PDE10A: variants seen among roughly 807,000 people sequenced by gnomAD.
PDE10A encodes phosphodiesterase 10A.
In PDE10A, 39 loss-of-function variants were observed where a neutral mutation model predicts 97.7. The observed-to-expected ratio is 0.40, with a 90% CI of 0.31 to 0.52. PDE10A has a LOEUF of 0.52. Among genes scored for constraint, PDE10A ranks in the 20% least tolerant of loss-of-function variants. PDE10A has a pLI of 0.56. For missense variants in PDE10A, 731 were observed against 1,047.8 expected (o/e 0.70, Z 4.17); for synonymous variants, 371 against 376.8 (o/e 0.98, Z 0.18).
At chr6:165,765,319 G>A (rs970815714) in intron 1 of PDE10A, among the ~76,000 whole-genome samples, 70 of 152,362 alleles carry the variant, frequency 4.6e-4, no homozygotes, top group African/African-American at 1.6e-3. Flanking sequence ...GATGGGACTG[G>A]GCGCTGTAGA....
At chr6:165,434,400 A>T (rs1000758994) in intron 6 of PDE10A, among the ~76,000 whole-genome samples, 2 of 151,532 alleles carry the variant, frequency 1.3e-5, no homozygotes, top group Non-Finnish European at 2.9e-5. Flanking sequence ...ACTTAGAGCA[A>T]TTTTTTTACA....
At position 165,482,113 on chromosome 6, in the gene PDE10A, G is replaced by T. The variant is rs533592116; in HGVS notation, c.1023+202C>A. 3.9e-5 allele frequency among the ~76,000 whole-genome samples: 6 copies of T among 152,322 alleles called. No individual in the cohort carries two copies. The East Asian group carries it at 1.2e-3, about 29-fold the overall frequency. On this transcript the variant is annotated intron_variant, in intron 3 of 21. Transcript: ENST00000539869. Reference sequence around the variant, plus strand: ...ACGTGCAGCCGAACAAAATGCATCTGTGTGCCGTACTCAGTCTTGAGGCCT... The same window carrying T: ...ACGTGCAGCCGAACAAAATGCATCTTTGTGCCGTACTCAGTCTTGAGGCCT...
chr6:165,507,691 CAACT>C (rs1781278593), intron 2 of PDE10A, among the ~76,000 whole-genome samples: 1 of 152,020 alleles, frequency 6.6e-6, no homozygotes, highest in Non-Finnish European at 1.5e-5. Context: ...CTTCATTTTC[CAACT>C]AACACTTAAC....
intron 1 of PDE10A, among the ~76,000 whole-genome samples, chr6:165,894,958 A>G (rs1252290288): frequency 6.6e-6 from 1 of 152,164 alleles, no homozygotes; most frequent in Non-Finnish European, 1.5e-5. Context: ...GTTTGGGTAG[A>G]ATCTGATGTC....
intron 1 of PDE10A, among the ~76,000 whole-genome samples, chr6:165,931,682 G>A (rs570151989): frequency 3.5e-4 from 54 of 152,232 alleles, no homozygotes; most frequent in Middle Eastern, 3.4e-3. Flanking sequence ...CTCATACCTC[G>A]GGGAGAAGCC....
At chr6:165,862,575 A>G (rs771558089) in intron 1 of PDE10A, among the ~76,000 whole-genome samples, 14 of 152,212 alleles carry the variant, frequency 9.2e-5, no homozygotes, top group Non-Finnish European at 1.9e-4. Context: ...CCAGAAGAGC[A>G]GTAAATAGAA....
intron 1 of PDE10A, among the ~76,000 whole-genome samples, chr6:165,797,318 C>T (rs555469226): frequency 1.5e-4 from 23 of 152,156 alleles, no homozygotes; most frequent in Non-Finnish European, 3.1e-4. Flanking sequence ...TTTTAGAATC[C>T]ACTGGTAATC....
intron 10 of PDE10A, among the ~76,000 whole-genome samples, chr6:165,427,504 G>A (rs1161218259): frequency 6.6e-6 from 1 of 152,092 alleles, no homozygotes; most frequent in Non-Finnish European, 1.5e-5. Flanking sequence ...ATAAGCTAAG[G>A]AGATGATAGC....
At chr6:165,470,391 T>G (rs879328912) in intron 3 of PDE10A, among the ~76,000 whole-genome samples, 9 of 152,242 alleles carry the variant, frequency 5.9e-5, no homozygotes, top group African/African-American at 1.7e-4. Context: ...CCTTTGAAAC[T>G]TATTGAAAAT....
At chr6:165,762,204 G>A (rs1793267309) in intron 1 of PDE10A, among the ~76,000 whole-genome samples, 1 of 152,166 alleles carries the variant, frequency 6.6e-6, no homozygotes, top group Non-Finnish European at 1.5e-5. Flanking sequence ...CCCTAATTCT[G>A]GATTTCCTGC....
At chr6:165,561,793 A>G (rs1197582424) in intron 1 of PDE10A, among the ~76,000 whole-genome samples, 1 of 152,156 alleles carries the variant, frequency 6.6e-6, no homozygotes, top group Non-Finnish European at 1.5e-5. Flanking sequence ...AGATTTGAAG[A>G]CTCATTGCTG....
At chr6:165,841,982 G>A (rs1253934054) in intron 1 of PDE10A, among the ~76,000 whole-genome samples, 1 of 152,138 alleles carries the variant, frequency 6.6e-6, no homozygotes, top group Non-Finnish European at 1.5e-5. Context: ...CGCTTCTGCA[G>A]AGCTCCTTTA....
intron 1 of PDE10A, among the ~76,000 whole-genome samples, chr6:165,623,334 T>A (rs908506142): frequency 1.3e-5 from 2 of 152,088 alleles, no homozygotes; most frequent in Admixed American, 1.3e-4. Context: ...TCCAGCCTGG[T>A]CTTGAGCCCC....
At chr6:165,405,886 G>C (rs1354333365) in intron 13 of PDE10A, among the ~76,000 whole-genome samples, 10 of 152,128 alleles carry the variant, frequency 6.6e-5, no homozygotes, top group Admixed American at 6.5e-4. Context: ...CTGGAAAATT[G>C]TCCTGTAGTC....
intron 17 of PDE10A, among the ~76,000 whole-genome samples, chr6:165,385,359 G>T (rs1447952681): frequency 2.6e-5 from 4 of 152,108 alleles, no homozygotes; most frequent in African/African-American, 9.7e-5. Flanking sequence ...GGGTTCAACT[G>T]CTTGGGCAGA....
chr6:165,650,778 G>T (rs143768114), intron 1 of PDE10A, among the ~76,000 whole-genome samples: 353 of 148,368 alleles, frequency 2.4e-3, no homozygotes, highest in Non-Finnish European at 3.8e-3. Context: ...TTTTTTTGTC[G>T]CCAGGTTGGA....
intron 1 of PDE10A, among the ~76,000 whole-genome samples, chr6:165,604,104 A>T (rs908967074): frequency 6.6e-6 from 1 of 152,212 alleles, no homozygotes; most frequent in Non-Finnish European, 1.5e-5. Context: ...AAGTCTAAAA[A>T]TTAGGTTCCA....
At chr6:165,894,570 T>C in intron 1 of PDE10A, 1 of 455,912 alleles carries the variant, frequency 2.2e-6, no homozygotes, top group South Asian at 1.5e-5. Flanking sequence ...TAGTTCTGGC[T>C]CCTGGAGAAG....
chr6:165,568,221 G>A (rs951391031), intron 1 of PDE10A, among the ~76,000 whole-genome samples: 1 of 151,894 alleles, frequency 6.6e-6, no homozygotes, highest in Non-Finnish European at 1.5e-5. Context: ...CGATGGTCTA[G>A]ATCTGCTGAC....
Sources: gnomAD v4.1 joint callset for allele counts (sites outside exome capture counted in the v4.1 genomes callset) on GRCh38, gnomAD v4.1.1 for gene constraint, MANE v1.5 for transcripts, NCBI Gene and HGNC (gene_info 2026-07-23, HGNC 2026-07-21) for gene names.